Variants in DMXL2 observed in about 807,000 individuals in gnomAD.
The protein encoded by DMXL2 is Dmx like 2.
In DMXL2, 103 loss-of-function variants were observed where a neutral mutation model predicts 331.1. The observed-to-expected ratio is 0.31, with a 90% CI of 0.27 to 0.37. The LOEUF (loss-of-function observed/expected upper bound fraction) is 0.37, where lower values mean the gene tolerates loss of function less well. DMXL2 is among the 10% of genes least tolerant of loss of function. DMXL2 has a pLI of 1.00. For synonymous variants in DMXL2, 1,281 were observed against 1,252.1 expected, an observed-to-expected ratio of 1.02 and a Z score of -0.49; for missense variants, 3,171 against 3,642.9, an observed-to-expected ratio of 0.87 and a Z score of 3.33.
At position 51,480,796 on chromosome 15, in the gene DMXL2, T is replaced by C; in HGVS notation, c.6310A>G (p.Lys2104Glu). 6.2e-7 allele frequency: 1 copy of C among 1,607,986 alleles called. No individual in the cohort carries two copies. The highest frequency in any genetic ancestry group is 1.1e-5 in the South Asian group (1 of 90,178). ...IKEYSSKTYS[K>E]VESDLLDQEE... is the part of the protein sequence containing the mutation. ...TGATCCAGCAGATCACTCTCTACTT[T>C]GGAATATGTCTTACTGGAATACTCT... is the stretch of plus-strand genomic sequence containing the variant. The change falls in exon 24 of 44, where the codon AAA becomes GAA. Residue 2104 changes from lysine to glutamate, a missense_variant. Physicochemically the swap from Lys to Glu is moderately conservative, Grantham distance 56. This residue lies in a region of DMXL2 where 197 missense variants were observed against 196.2 expected (regional missense o/e 1.00). Transcript: ENST00000560891.
intron 8 of DMXL2, among the ~76,000 whole-genome samples, chr15:51,543,005 T>C (rs192805561): frequency 2.2e-3 from 341 of 152,274 alleles, no homozygotes; most frequent in Non-Finnish European, 3.8e-3. Context: ...CCTACTTAGA[T>C]AGGAGTAGAC....
intron 7 of DMXL2, among the ~76,000 whole-genome samples, chr15:51,546,294 C>T (rs1022089646): frequency 3.3e-5 from 5 of 152,156 alleles, no homozygotes; most frequent in East Asian, 1.9e-4. Flanking sequence ...AAGTAACTTA[C>T]CTGTTTGTTA....
chr15:51,525,526 G>A (rs2047622901), intron 13 of DMXL2, among the ~76,000 whole-genome samples: 2 of 152,122 alleles, frequency 1.3e-5, no homozygotes, highest in Non-Finnish European at 2.9e-5. Flanking sequence ...GGCTCTTACA[G>A]CATTTCTGGA....
intron 1 of DMXL2, among the ~76,000 whole-genome samples, chr15:51,609,956 G>C (rs527253901): frequency 1.1e-4 from 17 of 151,606 alleles, no homozygotes; most frequent in Admixed American, 1.3e-4. Flanking sequence ...AACTATCTAG[G>C]TTTGTGTAAG....
Position 51,519,634 on chromosome 15 carries a change from T to G in DMXL2, c.2437-2467A>C, listed in dbSNP as rs79028774. 4.5e-3 allele frequency among the ~76,000 whole-genome samples: 660 copies of G among 147,622 alleles called. 7 individuals carry two copies. The highest frequency in any genetic ancestry group is 0.016 in the African/African-American group (635 of 39,518). Reference sequence around the variant, plus strand: ...GCTTCTCTGGTTTTGACAAAGTCTCTTGTTTTTTTTTTTTTTTTTTTTTTT... The same window carrying G: ...GCTTCTCTGGTTTTGACAAAGTCTCGTGTTTTTTTTTTTTTTTTTTTTTTT... On this transcript the variant is annotated intron_variant, in intron 13 of 43. Coordinates refer to ENST00000560891, the MANE Select transcript of DMXL2 (RefSeq NM_001378457.1).
intron 42 of DMXL2, among the ~76,000 whole-genome samples, chr15:51,451,052 C>T (rs1321779536): frequency 1.3e-5 from 2 of 152,170 alleles, no homozygotes; most frequent in Non-Finnish European, 2.9e-5. Flanking sequence ...ACTAATTTGG[C>T]AAGTATTGTC....
At chr15:51,598,422 C>G (rs2052987563) in intron 1 of DMXL2, among the ~76,000 whole-genome samples, 1 of 152,094 alleles carries the variant, frequency 6.6e-6, no homozygotes, top group African/African-American at 2.4e-5. Context: ...GTACAATTAT[C>G]AAGATCGGGC....
intron 2 of DMXL2, among the ~76,000 whole-genome samples, chr15:51,570,008 A>G (rs2050556547): frequency 6.6e-6 from 1 of 152,168 alleles, no homozygotes; most frequent in African/African-American, 2.4e-5. Context: ...CTAAAGAAGC[A>G]TGTTCTAACC....
intron 1 of DMXL2, among the ~76,000 whole-genome samples, chr15:51,582,551 G>A (rs1047487815): frequency 1.3e-5 from 2 of 152,042 alleles, no homozygotes; most frequent in Non-Finnish European, 2.9e-5. Flanking sequence ...ACAACCAAGA[G>A]GACAAAACAC....
At chr15:51,569,852 C>T (rs567919315) in intron 2 of DMXL2, among the ~76,000 whole-genome samples, 1 of 152,092 alleles carries the variant, frequency 6.6e-6, no homozygotes, top group Non-Finnish European at 1.5e-5. Context: ...TGCAAAATGG[C>T]TGAAAATTCC....
chr15:51,450,868 GTTTGCAGAATTCTGCAA>G (rs1234262616), intron 42 of DMXL2, among the ~76,000 whole-genome samples: 5 of 152,226 alleles, frequency 3.3e-5, no homozygotes, highest in African/African-American at 1.2e-4. Flanking sequence ...GTTAACCACT[GTTTGCAGAATTCTGCAA>G]TAAAATTGAG....
At position 51,576,125 on chromosome 15, in the gene DMXL2, C is replaced by G. The variant is rs1342301044; in HGVS notation, c.144G>C (p.Gln48His). ...TTCCATGCTTAGCACCAGGAATGAT[C>G]TGTACACATTCAAAGTCATTTGCCA... The part of the protein sequence containing the change: ...VILANDFECV[Q>H]IIPGAKHGNI... The change falls in exon 2 of 44, where the codon CAG (glutamine) becomes CAC (histidine). Residue 48 changes from glutamine to histidine, a missense_variant. By Grantham distance (24) the Gln-to-His change is conservative. Transcript: ENST00000560891. 6.8e-7 allele frequency: 1 copy of G among 1,460,808 alleles called. No homozygotes were observed. The highest frequency in any genetic ancestry group is 9.2e-7 in the Non-Finnish European group (1 of 1,090,038). The allele number at this position is 1,460,808 out of a possible 1,614,324, so 90.5% of individuals were successfully genotyped here.
chr15:51,585,162 T>TATGTTGAATAGGAGCGGTGAGAG (rs2051705013), intron 1 of DMXL2, among the ~76,000 whole-genome samples: 3 of 95,270 alleles, frequency 3.1e-5, no homozygotes, highest in South Asian at 4.1e-4. Flanking sequence ...CTTCCAACAC[T>TATGTTGAATAGGAGCGGTGAGAG]ATGTTGAATA....
chr15:51,500,338 T>G (rs912407201), intron 17 of DMXL2, 107 bp from the exon 18 acceptor site: 6 of 1,123,488 alleles, frequency 5.3e-6, no homozygotes, highest in Non-Finnish European at 6.2e-6. Flanking sequence ...CACTATGAGC[T>G]TCTTCAGAAT....
chr15:51,517,236 C>T, intron 13 of DMXL2, 69 bp from the exon 14 acceptor site: 1 of 1,194,994 alleles, frequency 8.4e-7, no homozygotes, highest in Non-Finnish European at 1.2e-6. Context: ...GATACAGCAT[C>T]TTGGACATTT....
rs1283209563 is a variant in DMXL2 at position 51,538,448 on chromosome 15, A to C, written c.1110T>G (p.Ile370Met). 1.3e-6 allele frequency: 2 copies of C among 1,589,280 alleles called. No homozygotes were observed. Among genetic ancestry groups the C allele is most frequent in the Non-Finnish European group, 1.7e-6 (2 of 1,168,416 alleles). The change falls in exon 10 of 44, where the codon ATT (isoleucine) becomes ATG (methionine). Residue 370 changes from isoleucine to methionine, a missense_variant. By Grantham distance (10) the Ile-to-Met change is conservative (BLOSUM62 1). Transcript: ENST00000560891. ...IAASINPATD[I>M]PNVLVGTAFN... ...ATGCAGTGCCAACCAAGACATTTGG[A>C]ATATCTGTGGAAATAAAAGAGATTT... is the stretch of plus-strand genomic sequence containing the variant.
intron 29 of DMXL2, among the ~76,000 whole-genome samples, chr15:51,467,688 T>C (rs2040709558): frequency 1.3e-5 from 2 of 151,976 alleles, no homozygotes; most frequent in African/African-American, 4.8e-5. Context: ...CAATATGTAT[T>C]AAAAGCCTTA....
At chr15:51,564,461 A>C (rs1451986775) in intron 4 of DMXL2, among the ~76,000 whole-genome samples, 1 of 152,094 alleles carries the variant, frequency 6.6e-6, no homozygotes. Context: ...TTCTTAAGGA[A>C]GATTTGAGAA....
At chr15:51,514,628 A>C in intron 14 of DMXL2, 69 bp from the exon 15 acceptor site, 4 of 894,544 alleles carry the variant, frequency 4.5e-6, no homozygotes, top group Non-Finnish European at 7.1e-6. Context: ...CCCATCTGTC[A>C]CCTCCCCAAT....
Sources: allele counts gnomAD v4.1 joint callset (sites outside exome capture counted in the v4.1 genomes callset), GRCh38; gene constraint gnomAD v4.1.1; regional missense constraint gnomAD v4.1.1; transcripts MANE v1.5; gene names NCBI Gene and HGNC (gene_info 2026-07-23, HGNC 2026-07-21).